MROH7: variants seen among roughly 807,000 people sequenced by gnomAD.
The protein encoded by MROH7 is maestro heat like repeat family member 7, also known as maestro heat-like repeat-containing protein family member 7.
In MROH7, 113 loss-of-function variants were observed where a neutral mutation model predicts 129.2. That is an observed-to-expected ratio of 0.87 (90% confidence interval 0.75 to 1.02). The LOEUF is 1.02. Among genes scored for constraint, MROH7 ranks in the 50% least tolerant of loss-of-function variants. The probability of loss-of-function intolerance (pLI) is 0.00; values close to 1 mark genes in which losing one functional copy is unlikely to be tolerated. For missense variants in MROH7, 1,601 were observed against 1,671.3 expected (o/e 0.96, Z 0.73); for synonymous variants, 655 against 667.9 (o/e 0.98, Z 0.30).
In MROH7 at chr1:54,653,812, T is replaced by A. The variant is rs1557691832; in HGVS notation, c.886T>A (p.Ser296Thr). The A allele has an allele frequency of 1.2e-6, 2 of 1,613,964 alleles. No individual in the cohort carries two copies. The highest frequency in any genetic ancestry group is 3.3e-5 in the Admixed American group (2 of 59,992). The change falls in exon 3 of 24, where the codon TCG becomes ACG. Residue 296 changes from serine (S) to threonine (T), a missense_variant. Ser to Thr is a moderately conservative substitution (Grantham distance 58, BLOSUM62 1). Coordinates refer to ENST00000421030, the MANE Select transcript of MROH7 (RefSeq NM_001039464.4). ...TTTGAGCGTGACCATCACTCAAGCC[T>A]CGTATGTGACCCTGATTCCTGGCTC... is the stretch of plus-strand genomic sequence containing the variant. ...SDLSVTITQA[S>T]YVTLIPGSSY...
At chr1:54,694,890 C>A (rs929319686) in intron 16 of MROH7, among the ~76,000 whole-genome samples, 2 of 152,212 alleles carry the variant, frequency 1.3e-5, no homozygotes, top group African/African-American at 4.8e-5. Context: ...TCGGTTGGGG[C>A]TCCAGCTCGG....
In MROH7 at chr1:54,675,940, C is replaced by T. The variant is rs1025768193; in HGVS notation, c.1936+1789C>T. The stretch of plus-strand genomic sequence containing the variant: ...CGTGCACCACCGCACCCCGCCGAGG[C>T]AGCTCATTTAAAAAAGAAAGAAAGA... On this transcript the variant is annotated intron_variant, in intron 10 of 23. Coordinates refer to ENST00000421030, the MANE Select transcript of MROH7 (RefSeq NM_001039464.4). 3.3e-5 allele frequency among the ~76,000 whole-genome samples: 5 copies of T among 151,734 alleles called. No individual in the cohort carries two copies. In the East Asian group the frequency reaches 9.7e-4, roughly 29 times the overall value.
chr1:54,654,845 C>T (rs1404155162), intron 3 of MROH7, among the ~76,000 whole-genome samples: 1 of 152,078 alleles, frequency 6.6e-6, no homozygotes, highest in Non-Finnish European at 1.5e-5. Flanking sequence ...GGAACCTGTG[C>T]CTCCCTCCTG....
At chr1:54,692,649 C>G in intron 16 of MROH7, 88 bp downstream of exon 16, 1 of 1,391,438 alleles carries the variant, frequency 7.2e-7, no homozygotes, top group Non-Finnish European at 9.7e-7. Context: ...CTGCATCTCT[C>G]CCTGGGCAAG....
chr1:54,645,672 A>G (rs1289665320), intron 1 of MROH7, among the ~76,000 whole-genome samples: 1 of 40,848 alleles, frequency 2.4e-5, no homozygotes, highest in Non-Finnish European at 4.4e-5. Flanking sequence ...TTTTTTTTTG[A>G]GACAAACTCT....
At chr1:54,646,484 G>A (rs762444452) in intron 1 of MROH7, among the ~76,000 whole-genome samples, 1 of 152,228 alleles carries the variant, frequency 6.6e-6, no homozygotes. Context: ...CATAGTGTCA[G>A]CCTTCAAGTC....
intron 3 of MROH7, among the ~76,000 whole-genome samples, chr1:54,661,593 T>C (rs912178446): frequency 2.4e-4 from 36 of 148,122 alleles, no homozygotes; most frequent in African/African-American, 9.0e-4. Context: ...TGTTTGTTTG[T>C]TTGTTTGTTT....
At position 54,670,568 on chromosome 1, in the gene MROH7, C is replaced by T; in HGVS notation, c.1461C>T (p.Thr487=). 3 of 1,612,946 alleles carry T rather than the reference C, an allele frequency of 1.9e-6. No individual in the cohort carries two copies. The highest frequency in any genetic ancestry group is 1.7e-6 in the Non-Finnish European group (2 of 1,179,486). ...GCAAGCAGGCCATGGAGATCCTGAC[C>T]CAGCTGAGGTGTCCATGGCCCTCTC... ...SVRKQAMEIL[T]QLSHTQPTLG... Residue 487 remains threonine (T), a synonymous_variant, in exon 6 of 24, where the codon ACC becomes ACT. Transcript: ENST00000421030.
intron 3 of MROH7, chr1:54,663,671 GC>G (rs1372420325): frequency 2.6e-6 from 1 of 377,690 alleles, no homozygotes; most frequent in Admixed American, 3.6e-5. Flanking sequence ...ACCGTGCCCG[GC>G]CCCCATCAGC....
chr1:54,677,194 T>C (rs1287727476), intron 10 of MROH7, among the ~76,000 whole-genome samples: 1 of 151,532 alleles, frequency 6.6e-6, no homozygotes, highest in Non-Finnish European at 1.5e-5. Context: ...AGGTCCGGAG[T>C]TCAAGACCAG....
At position 54,659,251 on chromosome 1, in the gene MROH7, C is replaced by T. The variant is rs147984667; in HGVS notation, c.1231+5094C>T. The T allele has an allele frequency of 3.3e-3, 593 of 179,614 alleles. 6 individuals are homozygous for T. The highest frequency in any genetic ancestry group is 6.1e-3 in the Middle Eastern group (2 of 330). 11.1% of individuals were successfully genotyped at this position (179,614 alleles called of 1,614,324 possible). A position where few individuals can be genotyped will look rare whatever the true frequency, so the allele number is the denominator to read the frequency against. ...CTGGGATTACAGGCATGCACCACCA[C>T]GCTTAGCTAATTTTTTGTATTTTAA... On this transcript the variant is annotated intron_variant, in intron 3 of 23. Coordinates refer to ENST00000421030, the MANE Select transcript of MROH7 (RefSeq NM_001039464.4).
At chr1:54,666,489 C>T (rs763958415) in intron 4 of MROH7, among the ~76,000 whole-genome samples, 3 of 125,850 alleles carry the variant, frequency 2.4e-5, no homozygotes, top group Admixed American at 1.1e-4. Context: ...GGCTGGAGTG[C>T]GGTGGTGCAA....
chr1:54,702,299 C>T lies in MROH7; in HGVS notation c.3441+54C>T, dbSNP rs1645453393. ...ACCCCTCCCTCGGGTCCTGTGGGCG[C>T]ACCTCTTTTTACGTTAACCAAGCCA... is the stretch of plus-strand genomic sequence containing the variant. On this transcript the variant is annotated intron_variant, in intron 20 of 23. Coordinates refer to ENST00000421030, the MANE Select transcript of MROH7 (RefSeq NM_001039464.4). 4 of 1,350,668 alleles carry T rather than the reference C, an allele frequency of 3.0e-6. No homozygotes were observed. The Admixed American group carries it at 1.0e-4, about 35-fold the overall frequency. 83.7% of individuals were successfully genotyped at this position (1,350,668 alleles called of 1,614,324 possible).
chr1:54,668,932 A>AT lies in MROH7; in HGVS notation c.1386dup (p.Met463TyrfsTer68). On this transcript the variant is annotated frameshift_variant, in exon 5 of 24. Transcript: ENST00000421030. LOFTEE classifies it high-confidence loss of function. ...AGAAAAGAAGACCATGATAAAGAAGATTATGGTGGGGGAGCCACAGGCGGG... is the reference window on the plus strand; with the variant it reads ...AGAAAAGAAGACCATGATAAAGAAGATTTATGGTGGGGGAGCCACAGGCGGG... The AT allele has an allele frequency of 6.5e-7, 1 of 1,542,638 alleles. No individual in the cohort carries two copies. Among genetic ancestry groups the AT allele is most frequent in the East Asian group, 2.4e-5 (1 of 42,034 alleles).
Position 54,686,318 on chromosome 1 carries a change from A to G in MROH7, c.2581A>G (p.Ile861Val), listed in dbSNP as rs778007565. Residue 861 changes from isoleucine to valine, a missense_variant, in exon 15 of 24, where the codon ATC becomes GTC. Physicochemically the swap from Ile to Val is conservative, Grantham distance 29. Coordinates refer to ENST00000421030, the MANE Select transcript of MROH7 (RefSeq NM_001039464.4). ...CAGCTGCATGGGCCGTGTGAGGCGCATCTACCCTCAGCTGCTCCTGGCCCT... is the reference window on the plus strand; with the variant it reads ...CAGCTGCATGGGCCGTGTGAGGCGCGTCTACCCTCAGCTGCTCCTGGCCCT... ...VNSCMGRVRR[I>V]YPQLLLALLI... 6.8e-6 allele frequency: 11 copies of G among 1,614,132 alleles called. No individual in the cohort carries two copies. The highest frequency in any genetic ancestry group is 2.7e-5 in the African/African-American group (2 of 75,062).
intron 15 of MROH7, among the ~76,000 whole-genome samples, chr1:54,688,357 C>G (rs1016719577): frequency 1.3e-5 from 2 of 151,632 alleles, no homozygotes; most frequent in Non-Finnish European, 2.9e-5. Flanking sequence ...TAGGTGTAAG[C>G]CACCATGTCC....
In MROH7 at chr1:54,653,002, G is replaced by A; in HGVS notation, c.76G>A (p.Ala26Thr). The A allele has an allele frequency of 6.2e-7, 1 of 1,614,036 alleles. No individual in the cohort carries two copies. Among genetic ancestry groups the A allele is most frequent in the Non-Finnish European group, 8.5e-7 (1 of 1,179,976 alleles). ...KMTPSPPSCGAPGLGSGTIPQ... is the reference protein window; with the variant it reads ...KMTPSPPSCGTPGLGSGTIPQ... The stretch of plus-strand genomic sequence containing the variant: ...GACACCAAGTCCCCCCTCCTGTGGG[G>A]CCCCGGGATTAGGGTCTGGTACCAT... The change falls in exon 3 of 24, where the codon GCC becomes ACC. Residue 26 changes from alanine to threonine, a missense_variant. Ala to Thr is a moderately conservative substitution (Grantham distance 58). Coordinates refer to ENST00000421030, the MANE Select transcript of MROH7 (RefSeq NM_001039464.4).
chr1:54,694,624 A>G (rs1354495740), intron 16 of MROH7, among the ~76,000 whole-genome samples: 1 of 151,872 alleles, frequency 6.6e-6, no homozygotes, highest in Non-Finnish European at 1.5e-5. Flanking sequence ...GCGCCACCAC[A>G]CCCAGTCAAT....
intron 3 of MROH7, among the ~76,000 whole-genome samples, chr1:54,663,205 T>G (rs1176708791): frequency 1.3e-5 from 2 of 152,106 alleles, no homozygotes; most frequent in Non-Finnish European, 2.9e-5. Context: ...ATTTATTTAT[T>G]TATTTGTATA....
Sources: allele counts gnomAD v4.1 joint callset (sites outside exome capture counted in the v4.1 genomes callset), GRCh38; gene constraint gnomAD v4.1.1; transcripts MANE v1.5; gene names NCBI Gene and HGNC (gene_info 2026-07-23, HGNC 2026-07-21).